SH3RF3: variants seen among roughly 807,000 people sequenced by gnomAD.
The protein encoded by SH3RF3 is SH3 domain containing ring finger 3.
SH3RF3 carries 29 observed loss-of-function variants against 66.3 expected under a neutral mutation model. The observed-to-expected ratio is 0.44, with a 90% CI of 0.33 to 0.60. SH3RF3 has a LOEUF of 0.60. Among genes scored for constraint, SH3RF3 ranks in the 20% least tolerant of loss-of-function variants. SH3RF3 has a pLI of 0.04. For synonymous variants in SH3RF3, 583 were observed against 532.0 expected, an observed-to-expected ratio of 1.10 and a Z score of -1.32; for missense variants, 1,194 against 1,190.9, an observed-to-expected ratio of 1.00 and a Z score of -0.04.
chr2:109,366,912 A>G (rs1683160981), intron 2 of SH3RF3, among the ~76,000 whole-genome samples: 1 of 152,208 alleles, frequency 6.6e-6, no homozygotes, highest in Non-Finnish European at 1.5e-5. Context: ...GTGGAAGGTA[A>G]GCTGAAATAC....
intron 1 of SH3RF3, among the ~76,000 whole-genome samples, chr2:109,328,201 C>T (rs914891832): frequency 8.5e-5 from 13 of 152,150 alleles, no homozygotes; most frequent in Non-Finnish European, 1.0e-4. Flanking sequence ...GTGTGGATTT[C>T]CCTCATAGTC....
chr2:109,380,685 T>C (rs1683490440), intron 3 of SH3RF3, among the ~76,000 whole-genome samples: 4 of 152,180 alleles, frequency 2.6e-5, no homozygotes. Context: ...TTAAATGTTG[T>C]CAGGGCCTGG....
rs1408740893 is a variant in SH3RF3, at chr2:109,311,244, CAT to C, written c.574-36429_574-36428del. Among the ~76,000 whole-genome samples, 82 of 40,480 alleles carry C rather than the reference CAT, an allele frequency of 2.0e-3. 1 individual carries two copies. Among genetic ancestry groups the C allele is most frequent in the Non-Finnish European group, 2.9e-3 (67 of 23,464 alleles). The allele number at this position is 40,480 out of a possible 152,430, so 26.6% of individuals were successfully genotyped here. A position where few individuals can be genotyped will look rare whatever the true frequency, so the allele number is the denominator to read the frequency against. On this transcript the variant is annotated intron_variant, in intron 1 of 9. Coordinates refer to ENST00000309415, the MANE Select transcript of SH3RF3 (RefSeq NM_001099289.3). Reference sequence around the variant, plus strand: ...TAAACAGAGCCAAAGACAAAAACCACATGATTATCTCAATAGATGCAGAAAAA... The same window carrying C: ...TAAACAGAGCCAAAGACAAAAACCACGATTATCTCAATAGATGCAGAAAAA...
rs144970950 is a variant in SH3RF3 at position 109,503,749 on chromosome 2, G to C, written c.*2078G>C. 1 of 152,130 alleles carries C rather than the reference G, an allele frequency of 6.6e-6. No homozygotes were observed. Among genetic ancestry groups the C allele is most frequent in the Non-Finnish European group, 1.5e-5 (1 of 67,998 alleles). 9.4% of individuals were successfully genotyped at this position (152,130 alleles called of 1,614,324 possible). On this transcript the variant is annotated 3_prime_UTR_variant, in exon 10 of 10. Transcript: ENST00000309415. ...TTTTTTGAAGTCTTTTTTTTAAGGCGCGCAGGTACCAAGCAACAGAATAGA... is the reference window on the plus strand; with the variant it reads ...TTTTTTGAAGTCTTTTTTTTAAGGCCCGCAGGTACCAAGCAACAGAATAGA...
In SH3RF3 at chr2:109,197,316, G is replaced by C. The variant is rs369767774; in HGVS notation, c.573+67203G>C. 7.2e-5 allele frequency among the ~76,000 whole-genome samples: 11 copies of C among 152,276 alleles called. No individual in the cohort carries two copies. In the East Asian group the frequency reaches 2.1e-3, roughly 29 times the overall value. ...CTCATTCTGGGAGGGCTGCTGTTCTGCCTGACACAGGAGGGGTTAAGAAGG... is the reference window on the plus strand; with the variant it reads ...CTCATTCTGGGAGGGCTGCTGTTCTCCCTGACACAGGAGGGGTTAAGAAGG... On this transcript the variant is annotated intron_variant, in intron 1 of 9. Coordinates refer to ENST00000309415, the MANE Select transcript of SH3RF3 (RefSeq NM_001099289.3).
intron 1 of SH3RF3, among the ~76,000 whole-genome samples, chr2:109,345,277 G>T (rs868009553): frequency 3.5e-4 from 53 of 152,208 alleles, no homozygotes; most frequent in African/African-American, 1.1e-3. Flanking sequence ...GTCTAGAGAA[G>T]GCTGATGGTG....
intron 1 of SH3RF3, among the ~76,000 whole-genome samples, chr2:109,341,622 G>T (rs571455926): frequency 1.8e-4 from 27 of 152,268 alleles, no homozygotes; most frequent in African/African-American, 5.5e-4. Flanking sequence ...CTTACTTCAT[G>T]GTATGGGGGT....
At chr2:109,229,666 A>G (rs1264177324) in intron 1 of SH3RF3, among the ~76,000 whole-genome samples, 3 of 152,224 alleles carry the variant, frequency 2.0e-5, no homozygotes, top group Non-Finnish European at 4.4e-5. Context: ...ATGTGAAAGC[A>G]TCAGCATACA....
chr2:109,288,620 A>T (rs1681093283), intron 1 of SH3RF3, among the ~76,000 whole-genome samples: 1 of 152,208 alleles, frequency 6.6e-6, no homozygotes, highest in Admixed American at 6.5e-5. Context: ...GGATTTTTGC[A>T]AGGCAAGTCA....
chr2:109,223,722 C>T (rs911828680), intron 1 of SH3RF3, among the ~76,000 whole-genome samples: 14 of 152,210 alleles, frequency 9.2e-5, no homozygotes, highest in African/African-American at 2.7e-4. Context: ...CGGGATGTGT[C>T]GTTGTCTTTC....
intron 1 of SH3RF3, among the ~76,000 whole-genome samples, chr2:109,157,642 C>T (rs1574479012): frequency 6.6e-6 from 1 of 152,112 alleles, no homozygotes; most frequent in Non-Finnish European, 1.5e-5. Context: ...TTCCTAGCCA[C>T]CTGAAAGGGA....
At chr2:109,423,938 AATTTTATTGAGAGAGTCTCTG>A (rs555695508) in intron 5 of SH3RF3, among the ~76,000 whole-genome samples, 119 of 152,232 alleles carry the variant, frequency 7.8e-4, no homozygotes, top group Non-Finnish European at 1.2e-3. Context: ...AAGAGCAGAG[AATTTTATTGAGAGAGTCTCTG>A]GATGACATAG....
At chr2:109,429,667 G>A (rs1573244529) in intron 5 of SH3RF3, among the ~76,000 whole-genome samples, 1 of 152,142 alleles carries the variant, frequency 6.6e-6, no homozygotes, top group African/African-American at 2.4e-5. Flanking sequence ...CGCGCTGACA[G>A]CTCCAGCAGC....
In SH3RF3 at chr2:109,325,529, C is replaced by T. The variant is rs550700276; in HGVS notation, c.574-22145C>T. Among the ~76,000 whole-genome samples the T allele has an allele frequency of 6.6e-5, 10 of 151,896 alleles. No homozygotes were observed. In the East Asian group the frequency reaches 7.8e-4, roughly 12 times the overall value. On this transcript the variant is annotated intron_variant, in intron 1 of 9. Coordinates refer to ENST00000309415, the MANE Select transcript of SH3RF3 (RefSeq NM_001099289.3). Reference sequence around the variant, plus strand: ...CATATCATTTCCTTTCTTGGTTCCCCGCTTCCCCCAGTGACACAGCCCCTT... The same window carrying T: ...CATATCATTTCCTTTCTTGGTTCCCTGCTTCCCCCAGTGACACAGCCCCTT...
At chr2:109,242,996 T>C (rs1401819391) in intron 1 of SH3RF3, among the ~76,000 whole-genome samples, 1 of 152,254 alleles carries the variant, frequency 6.6e-6, no homozygotes, top group Non-Finnish European at 1.5e-5. Context: ...GGTTCTGTTA[T>C]TCTGAGTGTT....
chr2:109,464,124 C>G (rs527349076), intron 8 of SH3RF3, among the ~76,000 whole-genome samples: 66 of 152,176 alleles, frequency 4.3e-4, no homozygotes, highest in Non-Finnish European at 7.6e-4. Flanking sequence ...GGGGATCATT[C>G]AGTTTCTTCT....
chr2:109,135,120 C>A (rs1246901984), intron 1 of SH3RF3, among the ~76,000 whole-genome samples: 1 of 152,200 alleles, frequency 6.6e-6, no homozygotes, highest in East Asian at 1.9e-4. Flanking sequence ...CATGACAACA[C>A]CCAGTAGTGG....
At chr2:109,326,423 A>G (rs1682157805) in intron 1 of SH3RF3, among the ~76,000 whole-genome samples, 1 of 152,208 alleles carries the variant, frequency 6.6e-6, no homozygotes, top group African/African-American at 2.4e-5. Flanking sequence ...TCTTTGGAAC[A>G]GGATGGCTTG....
In SH3RF3 at chr2:109,503,325, T is replaced by G. The variant is rs941500112; in HGVS notation, c.*1654T>G. The G allele has an allele frequency of 6.6e-6, 1 of 152,206 alleles. No homozygotes were observed. The highest frequency in any genetic ancestry group is 2.4e-5 in the African/African-American group (1 of 41,442). The allele number at this position is 152,206 out of a possible 1,614,324, so 9.4% of individuals were successfully genotyped here. A position where few individuals can be genotyped will look rare whatever the true frequency, so the allele number is the denominator to read the frequency against. ...AACCAATTCCAGAAATACATTCTTT[T>G]GCCTGGCATGAAGACTTTGAAACAC... On this transcript the variant is annotated 3_prime_UTR_variant, in exon 10 of 10. Transcript: ENST00000309415.
Sources: allele counts gnomAD v4.1 joint callset (sites outside exome capture counted in the v4.1 genomes callset), GRCh38; gene constraint gnomAD v4.1.1; transcripts MANE v1.5; gene names NCBI Gene and HGNC (gene_info 2026-07-23, HGNC 2026-07-21).